MAPK11: variants seen among roughly 807,000 people sequenced by gnomAD.
The protein encoded by MAPK11 is MAP kinase 11.
Under a neutral mutation model 52.2 loss-of-function variants are expected in MAPK11, and 44 were observed. The ratio of observed to expected loss-of-function variants is 0.84; its 90% CI spans 0.66 to 1.08. The LOEUF (loss-of-function observed/expected upper bound fraction) is 1.08. Among genes scored for constraint, MAPK11 ranks in the 50% least tolerant of loss-of-function variants. The pLI, the probability that MAPK11 is intolerant of heterozygous loss-of-function variation, is 0.00. For synonymous variants in MAPK11, 233 were observed against 206.3 expected (o/e 1.13, Z -1.11); for missense variants, 436 against 494.7 (o/e 0.88, Z 1.13).
At chr22:50,267,326 G>A (rs368461406) in intron 4 of MAPK11, 40 bp from the exon 5 acceptor site, 4 of 832,416 alleles carry the variant, frequency 4.8e-6, no homozygotes, top group Non-Finnish European at 7.3e-6. Flanking sequence ...GGCCCGGCCC[G>A]CCCGCCCCCC....
chr22:50,266,134 A>G, intron 9 of MAPK11, 92 bp downstream of exon 9: 1 of 1,044,122 alleles, frequency 9.6e-7, no homozygotes, highest in Non-Finnish European at 1.4e-6. Context: ...TGTTCCCCAT[A>G]TGGTCCCCGC....
chr22:50,270,196 C>G lies in MAPK11; in HGVS notation c.97G>C (p.Gly33Arg). The change falls in exon 1 of 12, where the codon GGC (glycine) becomes CGC (arginine). Residue 33 changes from glycine (G) to arginine (R), a missense_variant. By Grantham distance (125) the Gly-to-Arg change is moderately radical (BLOSUM62 -2). Transcript: ENST00000330651. The surrounding 1 kb of genome is among the most constrained non-coding windows in gnomAD (Gnocchi z 6.3). ...CCCTACCAGACGGAGCCGTAGGCGCCGGAGCCCACCGGGCGCAGCCCCTGC... is the reference window on the plus strand; with the variant it reads ...CCCTACCAGACGGAGCCGTAGGCGCGGGAGCCCACCGGGCGCAGCCCCTGC... ...RLQGLRPVGSGAYGSVCSAYD... is the reference protein window; with the variant it reads ...RLQGLRPVGSRAYGSVCSAYD... 2 of 1,487,264 alleles carry G rather than the reference C, an allele frequency of 1.3e-6. No homozygotes were observed. Among genetic ancestry groups the G allele is most frequent in the Non-Finnish European group, 1.8e-6 (2 of 1,123,872 alleles). The allele number at this position is 1,487,264 out of a possible 1,614,324, so 92.1% of individuals were successfully genotyped here. A position where few individuals can be genotyped will look rare whatever the true frequency, so the allele number is the denominator to read the frequency against.
At chr22:50,266,408 A>C (rs2065262327) in intron 8 of MAPK11, 103 bp from the exon 9 acceptor site, 1 of 1,402,468 alleles carries the variant, frequency 7.1e-7, no homozygotes. Context: ...CCTATAGGTG[A>C]GGATGGCCAG....
chr22:50,265,472 C>T lies in MAPK11; in HGVS notation c.864G>A (p.Met288Ile), dbSNP rs1206250525. 1.9e-6 allele frequency: 3 copies of T among 1,613,152 alleles called. No individual in the cohort carries two copies. The highest frequency in any genetic ancestry group is 2.5e-6 in the Non-Finnish European group (3 of 1,179,980). ...CCCTCTGGTCACTGTCCAGCACCAG[C>T]ATCCTTCCAAGGAGGTCTATGGCTG... ...NPLAIDLLGR[M>I]LVLDSDQRVS... The change falls in exon 11 of 12, where the codon ATG (methionine) becomes ATA (isoleucine). Residue 288 changes from methionine (M) to isoleucine (I), a missense_variant. By Grantham distance (10) the Met-to-Ile change is conservative. Coordinates refer to ENST00000330651, the MANE Select transcript of MAPK11 (RefSeq NM_002751.7).
chr22:50,265,200 C>T, intron 11 of MAPK11, 121 bp downstream of exon 11: 2 of 1,401,196 alleles, frequency 1.4e-6, no homozygotes, highest in Non-Finnish European at 2.0e-6. Context: ...CCAGCCTGTG[C>T]TGGACACCTG....
rs756713913 is a variant in MAPK11, at chr22:50,270,206, C to T, written c.87G>A (p.Pro29=). The T allele has an allele frequency of 1.5e-5, 23 of 1,497,226 alleles. No homozygotes were observed. In the Admixed American group the frequency reaches 2.5e-4, roughly 16 times the overall value. The allele number at this position is 1,497,226 out of a possible 1,614,324, so 92.7% of individuals were successfully genotyped here. Residue 29 remains proline, a synonymous_variant, in exon 1 of 12, where the codon CCG becomes CCA. Transcript: ENST00000330651. The surrounding 1 kb of genome is among the most constrained non-coding windows in gnomAD (Gnocchi z 6.3). The part of the protein sequence containing the change: ...EVPQRLQGLR[P]VGSGAYGSVC... Reference sequence around the variant, plus strand: ...CGGAGCCGTAGGCGCCGGAGCCCACCGGGCGCAGCCCCTGCAGCCGCTGCG... The same window carrying T: ...CGGAGCCGTAGGCGCCGGAGCCCACTGGGCGCAGCCCCTGCAGCCGCTGCG...
In MAPK11 at chr22:50,264,630, A is replaced by G. The variant is rs2072878; in HGVS notation, c.*318T>C. The G allele has an allele frequency of 0.027, 6,995 of 257,268 alleles. 192 individuals carry two copies. The highest frequency in any genetic ancestry group is 0.1 in the East Asian group (1,278 of 12,364). The allele number at this position is 257,268 out of a possible 1,614,324, so 15.9% of individuals were successfully genotyped here. Reference sequence around the variant, plus strand: ...GGGTCGGCCTGGGACAGACAGGGGAACTCCGCAGGGGAACCCCTTTGGCAT... The same window carrying G: ...GGGTCGGCCTGGGACAGACAGGGGAGCTCCGCAGGGGAACCCCTTTGGCAT... On this transcript the variant is annotated 3_prime_UTR_variant, in exon 12 of 12. Transcript: ENST00000330651.
intron 8 of MAPK11, 81 bp from the exon 9 acceptor site, chr22:50,266,386 A>G (rs1436004783): frequency 2.0e-6 from 3 of 1,463,440 alleles, no homozygotes; most frequent in Non-Finnish European, 2.8e-6. Context: ...GGCGCTGCCC[A>G]GAGCCCGCTC....
intron 2 of MAPK11, 55 bp downstream of exon 2, chr22:50,267,765 C>A (rs1569148273): frequency 6.8e-7 from 1 of 1,470,746 alleles, no homozygotes; most frequent in Non-Finnish European, 9.0e-7. Flanking sequence ...CTATTGGCTG[C>A]GCCGCGGCCC....
chr22:50,267,782 CGCACG>C (rs1226762803), intron 2 of MAPK11, 33 bp downstream of exon 2: 8 of 1,487,476 alleles, frequency 5.4e-6, no homozygotes, highest in Non-Finnish European at 6.3e-6. Flanking sequence ...GCCCCGCCCC[CGCACG>C]CGCCCTCCCC....
Position 50,266,181 on chromosome 22 carries a change from G to A in MAPK11, c.762+45C>T, listed in dbSNP as rs373068325. On this transcript the variant is annotated intron_variant, in intron 9 of 11. Coordinates refer to ENST00000330651, the MANE Select transcript of MAPK11 (RefSeq NM_002751.7). ...ACCCTCTCCCCCAGAGAGCCTGGGG[G>A]CTCAGCCAGGAGAGGGAGCTGCTGG... 14 of 1,462,906 alleles carry A rather than the reference G, an allele frequency of 9.6e-6. No homozygotes were observed. The East Asian group carries it at 2.9e-4, about 30-fold the overall frequency. 90.6% of individuals were successfully genotyped at this position (1,462,906 alleles called of 1,614,324 possible).
rs766710650 is a variant in MAPK11 at position 50,266,648 on chromosome 22, A to G, written c.611-37T>C. 3 of 1,556,986 alleles carry G rather than the reference A, an allele frequency of 1.9e-6. No individual in the cohort carries two copies. In the East Asian group the frequency reaches 6.8e-5, roughly 35 times the overall value. ...CGAGGGGACCTCCATCAGTGTGCCC[A>G]CCCCACGTCCCTCCTCCAGGAGACC... On this transcript the variant is annotated intron_variant, in intron 7 of 11. Coordinates refer to ENST00000330651, the MANE Select transcript of MAPK11 (RefSeq NM_002751.7).
chr22:50,270,137 G>A lies in MAPK11; in HGVS notation c.116+40C>T, dbSNP rs1351208769. 2 of 1,123,360 alleles carry A rather than the reference G, an allele frequency of 1.8e-6. No individual in the cohort carries two copies. Among genetic ancestry groups the A allele is most frequent in the South Asian group, 2.0e-5 (1 of 49,634 alleles). The allele number at this position is 1,123,360 out of a possible 1,614,324, so 69.6% of individuals were successfully genotyped here. Reference sequence around the variant, plus strand: ...AGGAGGGGACGCGCTCTCCGGCCCGGCCCGGCCCCCACCCAGCACCCCTTC... The same window carrying A: ...AGGAGGGGACGCGCTCTCCGGCCCGACCCGGCCCCCACCCAGCACCCCTTC... On this transcript the variant is annotated intron_variant, in intron 1 of 11. Coordinates refer to ENST00000330651, the MANE Select transcript of MAPK11 (RefSeq NM_002751.7). The surrounding 1 kb of genome is among the most constrained non-coding windows in gnomAD (Gnocchi z 6.3).
In MAPK11 at chr22:50,270,139, C is replaced by A; in HGVS notation, c.116+38G>T. On this transcript the variant is annotated intron_variant, in intron 1 of 11. Coordinates refer to ENST00000330651, the MANE Select transcript of MAPK11 (RefSeq NM_002751.7). The surrounding 1 kb of genome is among the most constrained non-coding windows in gnomAD (Gnocchi z 6.3). ...GAGGGGACGCGCTCTCCGGCCCGGCCCGGCCCCCACCCAGCACCCCTTCTG... is the reference window on the plus strand; with the variant it reads ...GAGGGGACGCGCTCTCCGGCCCGGCACGGCCCCCACCCAGCACCCCTTCTG... 1 of 1,146,490 alleles carries A rather than the reference C, an allele frequency of 8.7e-7. No homozygotes were observed. The highest frequency in any genetic ancestry group is 2.0e-5 in the South Asian group (1 of 50,616). The allele number at this position is 1,146,490 out of a possible 1,614,324, so 71.0% of individuals were successfully genotyped here. A position where few individuals can be genotyped will look rare whatever the true frequency, so the allele number is the denominator to read the frequency against.
At position 50,264,710 on chromosome 22, in the gene MAPK11, G is replaced by A. The variant is rs923675069; in HGVS notation, c.*238C>T. The stretch of plus-strand genomic sequence containing the variant: ...GAGTGCAGTAGCCAGAAGAGGACAG[G>A]AGGACCAAGGTAGGCCCAGGGACAC... On this transcript the variant is annotated 3_prime_UTR_variant, in exon 12 of 12. Transcript: ENST00000330651. 1.2e-5 allele frequency: 6 copies of A among 485,392 alleles called. No homozygotes were observed. In the Admixed American group the frequency reaches 2.1e-4, roughly 17 times the overall value. The allele number at this position is 485,392 out of a possible 1,614,324, so 30.1% of individuals were successfully genotyped here.
intron 11 of MAPK11, 112 bp from the exon 12 acceptor site, chr22:50,265,139 A>AGC: frequency 9.1e-7 from 1 of 1,100,824 alleles, no homozygotes; most frequent in Non-Finnish European, 1.3e-6. Context: ...CAGCAGCCTC[A>AGC]GCACAGTCTG....
chr22:50,269,783 C>G (rs1295788688), intron 1 of MAPK11, among the ~76,000 whole-genome samples: 1 of 152,194 alleles, frequency 6.6e-6, no homozygotes, highest in African/African-American at 2.4e-5. Context: ...GGGTCATCCG[C>G]TAGACCCCGG....
chr22:50,267,872 G>A lies in MAPK11; in HGVS notation c.194C>T (p.Ala65Val). ...CCGCAGCTCCCGGTACGTTCTGCGC[G>A]CGTGGATCAGCGACTGGAAGGGGCG... The part of the protein sequence containing the change: ...LSRPFQSLIH[A>V]RRTYRELRLL... The change falls in exon 2 of 12, where the codon GCG (alanine) becomes GTG (valine). Residue 65 changes from alanine to valine, a missense_variant. Coordinates refer to ENST00000330651, the MANE Select transcript of MAPK11 (RefSeq NM_002751.7). 1 of 1,589,250 alleles carries A rather than the reference G, an allele frequency of 6.3e-7. No individual in the cohort carries two copies. The highest frequency in any genetic ancestry group is 1.4e-5 in the African/African-American group (1 of 71,954).
intron 4 of MAPK11, 28 bp from the exon 5 acceptor site, chr22:50,267,314 C>T (rs1452885458): frequency 1.9e-6 from 3 of 1,583,718 alleles, no homozygotes; most frequent in Middle Eastern, 1.7e-4. Flanking sequence ...TGGTGAGCGC[C>T]GGGCCCGGCC....
Sources: gnomAD v4.1 joint callset for allele counts (sites outside exome capture counted in the v4.1 genomes callset) on GRCh38, gnomAD v4.1.1 for gene constraint, Gnocchi (gnomAD v3.1) non-coding constraint, MANE v1.5 for transcripts, NCBI Gene and HGNC (gene_info 2026-07-23, HGNC 2026-07-21) for gene names.